UBXN6: variants seen among roughly 807,000 people sequenced by gnomAD.
UBXN6 encodes the protein UBX domain protein 6.
In UBXN6, 44 loss-of-function variants were observed where a neutral mutation model predicts 51.4. That is an observed-to-expected ratio of 0.86 (90% CI 0.67 to 1.10). The LOEUF (loss-of-function observed/expected upper bound fraction) is 1.10. Ranked by LOEUF, UBXN6 falls within the 50% of genes least tolerant of loss-of-function variation. The pLI, the probability that UBXN6 is intolerant of heterozygous loss-of-function variation, is 0.00. For missense variants in UBXN6, 672 were observed against 596.1 expected (o/e 1.13, Z -1.32); for synonymous variants, 316 against 263.2 (o/e 1.20, Z -1.94).
intron 6 of UBXN6, 107 bp downstream of exon 6, chr19:4,447,443 C>A: frequency 1.6e-6 from 2 of 1,251,332 alleles, no homozygotes; most frequent in Admixed American, 1.7e-5. Context: ...TCAACTCTCG[C>A]TAGCTCCTCC....
chr19:4,447,897 G>A (rs957515785), intron 5 of UBXN6: 6 of 522,816 alleles, frequency 1.1e-5, no homozygotes, highest in Non-Finnish European at 2.1e-5. Flanking sequence ...ACAGCGGTGG[G>A]GAAGCCACAG....
intron 1 of UBXN6, chr19:4,454,710 C>G (rs964917633): frequency 6.6e-6 from 1 of 152,274 alleles, no homozygotes; most frequent in African/African-American, 2.4e-5. Context: ...GCCACAGCAC[C>G]CAGCCCGCAT....
At chr19:4,447,808 T>A in intron 5 of UBXN6, 183 bp from the exon 6 acceptor site, 1 of 620,644 alleles carries the variant, frequency 1.6e-6, no homozygotes, top group South Asian at 1.8e-5. Flanking sequence ...GGACACCCCA[T>A]GGAGCCCACC....
chr19:4,454,840 T>C (rs187936889), intron 1 of UBXN6: 1 of 152,376 alleles, frequency 6.6e-6, no homozygotes, highest in Non-Finnish European at 1.5e-5. Flanking sequence ...AGGACCCTGC[T>C]GGGAGCTGGT....
chr19:4,451,868 G>A (rs1404379515), intron 4 of UBXN6, among the ~76,000 whole-genome samples: 2 of 151,986 alleles, frequency 1.3e-5, no homozygotes, highest in Admixed American at 6.6e-5. Context: ...AAAACAACCA[G>A]GCCACGCGTG....
rs59106361 is a variant in UBXN6, at chr19:4,448,185, C to G, written c.539+133G>C. On this transcript the variant is annotated intron_variant, in intron 5 of 10. Transcript: ENST00000301281. ...CTGAGGCCTCTGGGTGGAGCTGCCTCACTCTCGGCCTATGCTCCTTCCCAA... is the reference window on the plus strand; with the variant it reads ...CTGAGGCCTCTGGGTGGAGCTGCCTGACTCTCGGCCTATGCTCCTTCCCAA... 7.6e-3 allele frequency: 5,955 copies of G among 778,784 alleles called. 243 individuals are homozygous for G. The African/African-American group carries it at 0.09, about 12-fold the overall frequency. 48.2% of individuals were successfully genotyped at this position (778,784 alleles called of 1,614,324 possible).
At chr19:4,447,667 G>T (rs771290724) in intron 5 of UBXN6, 42 bp from the exon 6 acceptor site, 1 of 1,600,970 alleles carries the variant, frequency 6.2e-7, no homozygotes, top group South Asian at 1.1e-5. Flanking sequence ...AGCCCAGGCT[G>T]CCCACCCGGC....
rs372079802 is a variant in UBXN6 at position 4,446,485 on chromosome 19, G to A, written c.920+15C>T. The stretch of plus-strand genomic sequence containing the variant: ...CCCGCCCCGCCCCACTCTGCTCCGC[G>A]GACGTCAGGCCCACCTGAGCCTCTG... On this transcript the variant is annotated intron_variant, in intron 8 of 10. Transcript: ENST00000301281. 52 of 1,600,782 alleles carry A rather than the reference G, an allele frequency of 3.2e-5. No individual in the cohort carries two copies. Among genetic ancestry groups the A allele is most frequent in the Middle Eastern group, 1.7e-4 (1 of 6,046 alleles).
At position 4,445,384 on chromosome 19, in the gene UBXN6, A is replaced by G. The variant is rs1007885100; in HGVS notation, c.*114T>C. The G allele has an allele frequency of 5.9e-6, 9 of 1,525,486 alleles. No homozygotes were observed. Among genetic ancestry groups the G allele is most frequent in the African/African-American group, 2.8e-5 (2 of 72,668 alleles). 94.5% of individuals were successfully genotyped at this position (1,525,486 alleles called of 1,614,324 possible). A position where few individuals can be genotyped will look rare whatever the true frequency, so the allele number is the denominator to read the frequency against. ...CACGGCTGGCGCCCCTCCCGTGCCC[A>G]TGGGGCAGAGCCAAGTATTTCCAGA... is the stretch of plus-strand genomic sequence containing the variant. On this transcript the variant is annotated 3_prime_UTR_variant, in exon 11 of 11. Coordinates refer to ENST00000301281, the MANE Select transcript of UBXN6 (RefSeq NM_025241.3).
At chr19:4,453,413 C>T in intron 3 of UBXN6, 45 bp downstream of exon 3, 1 of 1,598,528 alleles carries the variant, frequency 6.3e-7, no homozygotes, top group East Asian at 2.2e-5. Context: ...GTCAAGCTGT[C>T]CCCACCCCTT....
intron 1 of UBXN6, among the ~76,000 whole-genome samples, chr19:4,457,215 C>T (rs557532672): frequency 1.3e-5 from 2 of 151,886 alleles, no homozygotes; most frequent in African/African-American, 2.4e-5. Flanking sequence ...GACTCATGAT[C>T]CCGTTTTTCC....
chr19:4,448,548 CAG>C, intron 4 of UBXN6, 133 bp from the exon 5 acceptor site: 1 of 739,198 alleles, frequency 1.4e-6, no homozygotes. Flanking sequence ...GCGCTCATCA[CAG>C]AAAGGAAAAG....
At position 4,457,676 on chromosome 19, in the gene UBXN6, A is replaced by G; in HGVS notation, c.22T>C (p.Phe8Leu). 1.3e-6 allele frequency: 2 copies of G among 1,588,038 alleles called. No individual in the cohort carries two copies. The highest frequency in any genetic ancestry group is 1.7e-6 in the Non-Finnish European group (2 of 1,169,982). ...CTCTTGAACTTGATGTCGGCCTTGAACTCCTGAAAGAATTTCTTCATGGTG... is the reference window on the plus strand; with the variant it reads ...CTCTTGAACTTGATGTCGGCCTTGAGCTCCTGAAAGAATTTCTTCATGGTG... The part of the protein sequence containing the change: MKKFFQE[F>L]KADIKFKSAG... Residue 8 changes from phenylalanine (F) to leucine (L), a missense_variant, in exon 1 of 11, where the codon TTC (phenylalanine) becomes CTC (leucine). Coordinates refer to ENST00000301281, the MANE Select transcript of UBXN6 (RefSeq NM_025241.3).
chr19:4,453,610 C>T, intron 2 of UBXN6, 88 bp from the exon 3 acceptor site: 1 of 1,510,496 alleles, frequency 6.6e-7, no homozygotes, highest in Admixed American at 1.9e-5. Context: ...CCGGGGTGGG[C>T]CTGGGGGCCA....
chr19:4,451,589 C>T (rs1443031055), intron 4 of UBXN6, among the ~76,000 whole-genome samples: 1 of 152,076 alleles, frequency 6.6e-6, no homozygotes, highest in Non-Finnish European at 1.5e-5. Flanking sequence ...TTCTGAGAAC[C>T]TATTGATGGT....
In UBXN6 at chr19:4,446,345, C is replaced by G. The variant is rs760674587; in HGVS notation, c.989G>C (p.Gly330Ala). ...KAMREKEEQRGLRKYNYTLLR... is the reference protein window; with the variant it reads ...KAMREKEEQRALRKYNYTLLR... Reference sequence around the variant, plus strand: ...CAGCGTGTAGTTGTACTTGCGCAGCCCCCGCTGCTCCTCCTTCTCCCGCAT... The same window carrying G: ...CAGCGTGTAGTTGTACTTGCGCAGCGCCCGCTGCTCCTCCTTCTCCCGCAT... The change falls in exon 9 of 11, where the codon GGG (glycine) becomes GCG (alanine). Residue 330 changes from glycine (G) to alanine (A), a missense_variant. Gly to Ala is a moderately conservative substitution (Grantham distance 60). Transcript: ENST00000301281. 2 of 1,570,118 alleles carry G rather than the reference C, an allele frequency of 1.3e-6. No individual in the cohort carries two copies. The highest frequency in any genetic ancestry group is 1.7e-6 in the Non-Finnish European group (2 of 1,164,276).
chr19:4,457,632 C>T lies in UBXN6; in HGVS notation c.66G>A (p.Lys22=). The part of the protein sequence containing the change: ...IKFKSAGPGQ[K]LKESVGEKAH... ...TCACGCACCCCACGGACTCTTTGAG[C>T]TTCTGACCGGGTCCCGCGCTCTTGA... is the stretch of plus-strand genomic sequence containing the variant. Residue 22 remains lysine (K), a synonymous_variant, in exon 1 of 11, where the codon AAG becomes AAA. Coordinates refer to ENST00000301281, the MANE Select transcript of UBXN6 (RefSeq NM_025241.3). 1 of 1,600,754 alleles carries T rather than the reference C, an allele frequency of 6.2e-7. No individual in the cohort carries two copies. Among genetic ancestry groups the T allele is most frequent in the Non-Finnish European group, 8.5e-7 (1 of 1,174,778 alleles).
At position 4,447,625 on chromosome 19, in the gene UBXN6, C is replaced by G; in HGVS notation, c.540G>C (p.Lys180Asn). 1 of 1,613,886 alleles carries G rather than the reference C, an allele frequency of 6.2e-7. No homozygotes were observed. ...GGTGCAGGTGGATGTTGTCCAGGTA[C>G]CTGGGGTAGGTGGAGAAGGTGAGTG... The part of the protein sequence containing the change: ...RVKLGVDTIA[K>N]YLDNIHLHPE... Residue 180 changes from lysine to asparagine, a missense_variant and splice_region_variant, in exon 6 of 11, where the codon AAG becomes AAC. Lys to Asn is a moderately conservative substitution (Grantham distance 94). Coordinates refer to ENST00000301281, the MANE Select transcript of UBXN6 (RefSeq NM_025241.3).
chr19:4,457,520 T>A (rs1187442596), intron 1 of UBXN6, 95 bp downstream of exon 1: 8 of 1,015,814 alleles, frequency 7.9e-6, no homozygotes, highest in East Asian at 8.5e-5. Context: ...CAGCCCCTCA[T>A]CCTCTCCGAT....
Sources: allele counts gnomAD v4.1 joint callset (sites outside exome capture counted in the v4.1 genomes callset), GRCh38; gene constraint gnomAD v4.1.1; transcripts MANE v1.5; gene names NCBI Gene and HGNC (gene_info 2026-07-23, HGNC 2026-07-21).